GPATCH2L: variants seen among roughly 807,000 people sequenced by gnomAD.
GPATCH2L encodes G-patch domain containing 2 like.
GPATCH2L carries 31 observed loss-of-function variants against 57.4 expected under a neutral mutation model. The ratio of observed to expected loss-of-function variants is 0.54; its 90% CI spans 0.41 to 0.73. The LOEUF (loss-of-function observed/expected upper bound fraction) is 0.73. Ranked by LOEUF, GPATCH2L falls within the 30% of genes least tolerant of loss-of-function variation. The pLI, the probability that GPATCH2L is intolerant of heterozygous loss-of-function variation, is 0.00. For missense variants in GPATCH2L, 481 were observed against 599.9 expected, an observed-to-expected ratio of 0.80 and a Z score of 2.07; for synonymous variants, 199 against 210.7, an observed-to-expected ratio of 0.94 and a Z score of 0.48.
At chr14:76,183,683 A>G (rs917381257) in intron 8 of GPATCH2L, among the ~76,000 whole-genome samples, 6 of 152,188 alleles carry the variant, frequency 3.9e-5, no homozygotes, top group Non-Finnish European at 8.8e-5. Flanking sequence ...GAATGATGAC[A>G]TACTGAGCTC....
At chr14:76,219,732 AGGGTTTTACT>A (rs2040505856) in intron 1 of GPATCH2L, among the ~76,000 whole-genome samples, 1 of 152,196 alleles carries the variant, frequency 6.6e-6, no homozygotes, top group African/African-American at 2.4e-5. Context: ...GGAAAAGGTT[AGGGTTTTACT>A]GGGGAAAGAG....
intron 2 of GPATCH2L, among the ~76,000 whole-genome samples, chr14:76,231,102 G>A (rs1469824726): frequency 2.0e-5 from 3 of 152,176 alleles, no homozygotes; most frequent in African/African-American, 4.8e-5. Context: ...CCAAAAGTCC[G>A]CTTATTTATT....
chr14:76,188,666 T>C (rs1412433411), intron 8 of GPATCH2L, among the ~76,000 whole-genome samples: 2 of 152,140 alleles, frequency 1.3e-5, no homozygotes, highest in Non-Finnish European at 2.9e-5. Flanking sequence ...GTTTATTCAC[T>C]TTGTTGATTG....
At chr14:76,175,622 A>G (rs778948322) in intron 5 of GPATCH2L, 2 of 152,158 alleles carry the variant, frequency 1.3e-5, no homozygotes, top group Non-Finnish European at 2.9e-5. Context: ...ACCAGGAGGC[A>G]TAGCTATAAG....
downstream of GPATCH2L, among the ~76,000 whole-genome samples, chr14:76,217,136 C>T (rs1324896395): frequency 6.6e-6 from 1 of 152,126 alleles, no homozygotes; most frequent in East Asian, 1.9e-4. Flanking sequence ...GGTCAGCAAG[C>T]CACATAGCCT....
downstream of GPATCH2L, among the ~76,000 whole-genome samples, chr14:76,214,938 A>G (rs2040479791): frequency 1.3e-5 from 2 of 152,052 alleles, no homozygotes; most frequent in Non-Finnish European, 2.9e-5. Context: ...ACCTGGGTAT[A>G]TTGCGTGATG....
rs1486687263 is a variant in GPATCH2L at position 76,208,043 on chromosome 14, C to T, written c.*6192C>T. 1 of 152,154 alleles carries T rather than the reference C, an allele frequency of 6.6e-6. No individual in the cohort carries two copies. Among genetic ancestry groups the T allele is most frequent in the Non-Finnish European group, 1.5e-5 (1 of 68,034 alleles). 9.4% of individuals were successfully genotyped at this position (152,154 alleles called of 1,614,324 possible). ...TTTCAATTTTTGCAGTCTTTTAAAA[C>T]ACCACACTTCTTTTCCATCTTGAAG... On this transcript the variant is annotated 3_prime_UTR_variant, in exon 10 of 10. Coordinates refer to ENST00000261530, the MANE Select transcript of GPATCH2L (RefSeq NM_017926.4).
chr14:76,152,118 G>A (rs992558390), intron 1 of GPATCH2L, 127 bp downstream of exon 1: 1 of 152,614 alleles, frequency 6.6e-6, no homozygotes, highest in African/African-American at 2.4e-5. Flanking sequence ...CGGAGGGTGA[G>A]GGTGGTGGGG....
rs1395762321 is a variant in GPATCH2L at position 76,207,289 on chromosome 14, C to T, written c.*5438C>T. ...CATGATCTGGCCACTGCACTCCAGC[C>T]TGGGTGACAGAGCAAGACCCTGTAT... On this transcript the variant is annotated 3_prime_UTR_variant, in exon 10 of 10. Coordinates refer to ENST00000261530, the MANE Select transcript of GPATCH2L (RefSeq NM_017926.4). The T allele has an allele frequency of 1.3e-5, 2 of 152,084 alleles. No individual in the cohort carries two copies. The highest frequency in any genetic ancestry group is 2.9e-5 in the Non-Finnish European group (2 of 68,014). 9.4% of individuals were successfully genotyped at this position (152,084 alleles called of 1,614,324 possible). A position where few individuals can be genotyped will look rare whatever the true frequency, so the allele number is the denominator to read the frequency against.
At chr14:76,222,761 A>G (rs981179150) in intron 1 of GPATCH2L, among the ~76,000 whole-genome samples, 5 of 152,134 alleles carry the variant, frequency 3.3e-5, no homozygotes, top group East Asian at 1.9e-4. Flanking sequence ...GCTCAAGACC[A>G]GCCTGGCCAA....
rs1195717684 is a variant in GPATCH2L at position 76,207,174 on chromosome 14, G to GCTGTGGTGGTGCATGC, written c.*5331_*5346dup. On this transcript the variant is annotated 3_prime_UTR_variant, in exon 10 of 10. Transcript: ENST00000261530. ...TACAAAAAATTTTAAAAATTAGCTGGCTGTGGTGGTGCATGCCTGTGGTCC... is the reference window on the plus strand; with the variant it reads ...TACAAAAAATTTTAAAAATTAGCTGGCTGTGGTGGTGCATGCCTGTGGTGGTGCATGCCTGTGGTCC... 3 of 152,188 alleles carry GCTGTGGTGGTGCATGC rather than the reference G, an allele frequency of 2.0e-5. No individual in the cohort carries two copies. Among genetic ancestry groups the GCTGTGGTGGTGCATGC allele is most frequent in the African/African-American group, 7.2e-5 (3 of 41,432 alleles). 9.4% of individuals were successfully genotyped at this position (152,188 alleles called of 1,614,324 possible). A position where few individuals can be genotyped will look rare whatever the true frequency, so the allele number is the denominator to read the frequency against.
chr14:76,215,810 A>C (rs2139855700), downstream of GPATCH2L, among the ~76,000 whole-genome samples: 2 of 150,790 alleles, frequency 1.3e-5, no homozygotes, highest in South Asian at 4.3e-4. Flanking sequence ...AGATATACCT[A>C]ATGCTAGATG....
At chr14:76,187,186 CTAGGGAT>C (rs1244349497) in intron 8 of GPATCH2L, among the ~76,000 whole-genome samples, 1 of 151,956 alleles carries the variant, frequency 6.6e-6, no homozygotes, top group Non-Finnish European at 1.5e-5. Flanking sequence ...CACATTTAAT[CTAGGGAT>C]TAAATCTCTA....
At position 76,204,941 on chromosome 14, in the gene GPATCH2L, ACTC is replaced by A. The variant is rs1235354330; in HGVS notation, c.*3093_*3095del. On this transcript the variant is annotated 3_prime_UTR_variant, in exon 10 of 10. Coordinates refer to ENST00000261530, the MANE Select transcript of GPATCH2L (RefSeq NM_017926.4). ...AGATGCAGTATTTTAAAGGAACAAA[ACTC>A]CTGTGTTGCCTTTTGTTGTTGTTGT... The A allele has an allele frequency of 1.3e-5, 2 of 151,542 alleles. No individual in the cohort carries two copies. Among genetic ancestry groups the A allele is most frequent in the African/African-American group, 4.9e-5 (2 of 41,048 alleles). The allele number at this position is 151,542 out of a possible 1,614,324, so 9.4% of individuals were successfully genotyped here. A position where few individuals can be genotyped will look rare whatever the true frequency, so the allele number is the denominator to read the frequency against.
chr14:76,214,918 C>T (rs1326406332), downstream of GPATCH2L, among the ~76,000 whole-genome samples: 1 of 151,594 alleles, frequency 6.6e-6, no homozygotes, highest in Non-Finnish European at 1.5e-5. Flanking sequence ...GGTGCATGTG[C>T]AGGTTTGTTA....
intron 2 of GPATCH2L, among the ~76,000 whole-genome samples, chr14:76,232,465 C>T (rs1174426777): frequency 2.0e-5 from 3 of 152,106 alleles, no homozygotes; most frequent in Non-Finnish European, 2.9e-5. Context: ...GCCCCCGGCC[C>T]GTTTTTCTTT....
In GPATCH2L at chr14:76,211,684, CTA is replaced by C. The variant is rs2040441772; in HGVS notation, c.*9835_*9836del. The C allele has an allele frequency of 6.6e-6, 1 of 152,142 alleles. No homozygotes were observed. The highest frequency in any genetic ancestry group is 2.4e-5 in the African/African-American group (1 of 41,426). The allele number at this position is 152,142 out of a possible 1,614,324, so 9.4% of individuals were successfully genotyped here. ...GTAGTGACAATAAATTTGTGTTGAT[CTA>C]TTTACACCTTTTGGACTGAACACCT... On this transcript the variant is annotated 3_prime_UTR_variant, in exon 10 of 10. Coordinates refer to ENST00000261530, the MANE Select transcript of GPATCH2L (RefSeq NM_017926.4).
intron 7 of GPATCH2L, 158 bp downstream of exon 7, chr14:76,178,200 T>C (rs1477978556): frequency 1.4e-6 from 2 of 1,457,340 alleles, no homozygotes; most frequent in South Asian, 2.4e-5. Context: ...ATCCTGTTTT[T>C]ATTTTAGTTT....
At chr14:76,230,934 T>G (rs1302303786) in intron 2 of GPATCH2L, among the ~76,000 whole-genome samples, 1 of 152,204 alleles carries the variant, frequency 6.6e-6, no homozygotes, top group Non-Finnish European at 1.5e-5. Context: ...TCTGCCTTCT[T>G]TCTGATAATC....
Sources: allele counts gnomAD v4.1 joint callset (sites outside exome capture counted in the v4.1 genomes callset), GRCh38; gene constraint gnomAD v4.1.1; transcripts MANE v1.5; gene names NCBI Gene and HGNC (gene_info 2026-07-23, HGNC 2026-07-21).